The following GPR158 variants were observed in gnomAD, a reference collection of about 807,000 sequenced individuals.
GPR158 encodes the protein metabotropic glycine receptor.
Under a neutral mutation model 78.2 loss-of-function variants are expected in GPR158, and 30 were observed. The observed-to-expected ratio is 0.38, with a 90% CI of 0.29 to 0.52. GPR158 has a LOEUF of 0.52. Among genes scored for constraint, GPR158 ranks in the 20% least tolerant of loss-of-function variants. The pLI is 0.83. For synonymous variants in GPR158, 581 were observed against 591.1 expected (o/e 0.98, Z 0.25); for missense variants, 1,463 against 1,523.5 (o/e 0.96, Z 0.66).
chr10:25,389,992 G>A (rs1212919799), intron 2 of GPR158, among the ~76,000 whole-genome samples: 1 of 152,172 alleles, frequency 6.6e-6, no homozygotes, highest in Non-Finnish European at 1.5e-5. Context: ...TAGTGAATAA[G>A]TGTCATGAGA....
chr10:25,544,565 C>G (rs1009171823), intron 5 of GPR158, among the ~76,000 whole-genome samples: 1 of 152,092 alleles, frequency 6.6e-6, no homozygotes, highest in African/African-American at 2.4e-5. Context: ...TGATAGCTAT[C>G]AGTATATCAC....
chr10:25,424,968 C>T (rs1834800068), intron 4 of GPR158, among the ~76,000 whole-genome samples: 1 of 152,120 alleles, frequency 6.6e-6, no homozygotes, highest in African/African-American at 2.4e-5. Flanking sequence ...TATAATTTAC[C>T]TTGGGCAGTA....
rs144669730 is a variant in GPR158 at position 25,533,524 on chromosome 10, T to C, written c.1405-17452T>C. On this transcript the variant is annotated intron_variant, in intron 5 of 10. Coordinates refer to ENST00000376351, the MANE Select transcript of GPR158 (RefSeq NM_020752.3). ...TCTCTCAGTAGTTTAATCTCTGTGA[T>C]GTCCCTCTGCTTTCACAATTTTTCT... Among the ~76,000 whole-genome samples, 324 of 152,368 alleles carry C rather than the reference T, an allele frequency of 2.1e-3. 2 individuals are homozygous for C. Among genetic ancestry groups the C allele is most frequent in the African/African-American group, 7.5e-3 (311 of 41,596 alleles).
At chr10:25,437,417 G>A (rs1444870331) in intron 4 of GPR158, among the ~76,000 whole-genome samples, 2 of 152,032 alleles carry the variant, frequency 1.3e-5, no homozygotes, top group East Asian at 3.9e-4. Flanking sequence ...GTAGAGACAG[G>A]GTTTCACCAT....
chr10:25,297,411 G>A (rs978205347), intron 2 of GPR158, among the ~76,000 whole-genome samples: 6 of 144,824 alleles, frequency 4.1e-5, no homozygotes, highest in African/African-American at 1.5e-4. Flanking sequence ...AATCAGGTGT[G>A]TAAGTATCAT....
At chr10:25,486,733 C>T (rs1468506466) in intron 5 of GPR158, among the ~76,000 whole-genome samples, 2 of 151,994 alleles carry the variant, frequency 1.3e-5, no homozygotes, top group African/African-American at 4.8e-5. Context: ...AACCATTTGC[C>T]GTAGCTTTTC....
intron 6 of GPR158, among the ~76,000 whole-genome samples, chr10:25,568,214 TCTGAA>T (rs1467787581): frequency 6.6e-6 from 1 of 152,086 alleles, no homozygotes; most frequent in Non-Finnish European, 1.5e-5. Context: ...AGGAGAGTGA[TCTGAA>T]CTGGAGATAT....
At chr10:25,552,207 C>G (rs1405083180) in intron 6 of GPR158, among the ~76,000 whole-genome samples, 1 of 152,134 alleles carries the variant, frequency 6.6e-6, no homozygotes, top group Non-Finnish European at 1.5e-5. Flanking sequence ...TCTAATAAAT[C>G]ATAGGCTTCT....
chr10:25,284,885 A>G (rs748587997), intron 2 of GPR158, among the ~76,000 whole-genome samples: 17 of 151,836 alleles, frequency 1.1e-4, no homozygotes, highest in Non-Finnish European at 1.6e-4. Flanking sequence ...ACTTTATAGC[A>G]TTTTTTTCCT....
chr10:25,447,348 C>T (rs1835151412), intron 4 of GPR158, among the ~76,000 whole-genome samples: 1 of 152,026 alleles, frequency 6.6e-6, no homozygotes, highest in Non-Finnish European at 1.5e-5. Context: ...CCCAAAGACC[C>T]AGAACCAGTA....
chr10:25,289,641 C>CA (rs1343422543), intron 2 of GPR158, among the ~76,000 whole-genome samples: 2 of 151,988 alleles, frequency 1.3e-5, no homozygotes, highest in African/African-American at 4.8e-5. Flanking sequence ...ACTGTGGTCT[C>CA]AATCTCCTGA....
chr10:25,183,689 T>C (rs1249706633), intron 1 of GPR158, among the ~76,000 whole-genome samples: 4 of 152,234 alleles, frequency 2.6e-5, no homozygotes, highest in Non-Finnish European at 5.9e-5. Flanking sequence ...TTTAAAAACC[T>C]GTCCGATTGG....
At chr10:25,226,943 T>C (rs1026934610) in intron 2 of GPR158, among the ~76,000 whole-genome samples, 7 of 152,216 alleles carry the variant, frequency 4.6e-5, no homozygotes, top group Non-Finnish European at 7.3e-5. Flanking sequence ...TCTGTTTCAG[T>C]CACCCATCCC....
intron 2 of GPR158, among the ~76,000 whole-genome samples, chr10:25,314,618 C>T (rs1353437681): frequency 6.7e-6 from 1 of 149,258 alleles, no homozygotes; most frequent in African/African-American, 2.5e-5. Flanking sequence ...TTGTTATTTC[C>T]TTCACTTTGT....
chr10:25,575,103 G>A (rs1447630900), intron 7 of GPR158, among the ~76,000 whole-genome samples: 2 of 151,788 alleles, frequency 1.3e-5, no homozygotes, highest in Non-Finnish European at 1.5e-5. Context: ...GGAAGTGGGT[G>A]GAAATTGTAT....
chr10:25,565,727 G>A (rs1024999526), intron 6 of GPR158, among the ~76,000 whole-genome samples: 3 of 152,194 alleles, frequency 2.0e-5, no homozygotes, highest in Non-Finnish European at 2.9e-5. Flanking sequence ...AGATCATGCC[G>A]AGAGGCATTT....
intron 2 of GPR158, among the ~76,000 whole-genome samples, chr10:25,320,901 A>C (rs1364788226): frequency 6.6e-6 from 1 of 152,192 alleles, no homozygotes; most frequent in East Asian, 1.9e-4. Context: ...ATTTTCCCTT[A>C]ATGTATCTAA....
At chr10:25,177,989 C>T (rs1852562660) in intron 1 of GPR158, among the ~76,000 whole-genome samples, 1 of 152,216 alleles carries the variant, frequency 6.6e-6, no homozygotes, top group Admixed American at 6.5e-5. Flanking sequence ...CCAGCAGATG[C>T]TATTCACTGC....
At chr10:25,563,253 C>T (rs1209433486) in intron 6 of GPR158, among the ~76,000 whole-genome samples, 2 of 152,036 alleles carry the variant, frequency 1.3e-5, no homozygotes, top group Non-Finnish European at 2.9e-5. Flanking sequence ...AATGTTATTA[C>T]TCTTAAGGAA....
Sources: allele counts gnomAD v4.1 joint callset (sites outside exome capture counted in the v4.1 genomes callset), GRCh38; gene constraint gnomAD v4.1.1; transcripts MANE v1.5; gene names NCBI Gene and HGNC (gene_info 2026-07-23, HGNC 2026-07-21).